MINDY1: variants seen among roughly 807,000 people sequenced by gnomAD.
MINDY1 encodes ubiquitin carboxyl-terminal hydrolase MINDY-1.
A neutral mutation model predicts 53.6 loss-of-function variants in MINDY1; 50 were observed. The ratio of observed to expected loss-of-function variants is 0.93; its 90% CI spans 0.74 to 1.18. MINDY1 has a LOEUF of 1.18. MINDY1 is among the 50% of genes most tolerant of loss of function. MINDY1 has a pLI of 0.00. For synonymous variants in MINDY1, 231 were observed against 234.7 expected, an observed-to-expected ratio of 0.98 and a Z score of 0.14; for missense variants, 484 against 578.6, an observed-to-expected ratio of 0.84 and a Z score of 1.68.
intron 4 of MINDY1, 45 bp downstream of exon 4, chr1:151,001,205 C>G (rs1558055209): frequency 6.3e-7 from 1 of 1,598,570 alleles, no homozygotes; most frequent in African/African-American, 1.3e-5. Context: ...AAGATGTCCC[C>G]TTACAAACCT....
Position 150,998,135 on chromosome 1 carries a change from G to A in MINDY1, c.1120C>T (p.Pro374Ser). 1 of 1,613,802 alleles carries A rather than the reference G, an allele frequency of 6.2e-7. No individual in the cohort carries two copies. The highest frequency in any genetic ancestry group is 8.5e-7 in the Non-Finnish European group (1 of 1,180,036). Residue 374 changes from proline (P) to serine (S), a missense_variant, in exon 8 of 10, where the codon CCT (proline) becomes TCT (serine). Pro to Ser is a moderately conservative substitution (Grantham distance 74). Transcript: ENST00000683666. ...FHLSHSLGKG[P>S]GAEGGSGSPE... Reference sequence around the variant, plus strand: ...GAGCCACTCCCACCTTCTGCTCCAGGCCCCTTGCCCAGGGAATGACTCAGG... The same window carrying A: ...GAGCCACTCCCACCTTCTGCTCCAGACCCCTTGCCCAGGGAATGACTCAGG...
intron 7 of MINDY1, 111 bp from the exon 8 acceptor site, chr1:150,998,384 T>G: frequency 2.0e-6 from 2 of 987,244 alleles, no homozygotes; most frequent in Non-Finnish European, 3.0e-6. Context: ...AGATGGAGTC[T>G]CGCTCTGTCA....
rs1413082233 is a variant in MINDY1, at chr1:150,999,668, A to C, written c.839-157T>G. Among the ~76,000 whole-genome samples, 1 of 152,170 alleles carries C rather than the reference A, an allele frequency of 6.6e-6. No homozygotes were observed. The highest frequency in any genetic ancestry group is 2.4e-5 in the African/African-American group (1 of 41,426). Reference sequence around the variant, plus strand: ...CTGGCTGTATTCATTCACTTAACAAATACTTATAATAGAGCAGCTACCTTG... The same window carrying C: ...CTGGCTGTATTCATTCACTTAACAACTACTTATAATAGAGCAGCTACCTTG... On this transcript the variant is annotated intron_variant, in intron 6 of 9. Coordinates refer to ENST00000683666, the MANE Select transcript of MINDY1 (RefSeq NM_001376665.1). This position sits in a 1 kb window ranked among gnomAD's most constrained non-coding sequence, Gnocchi z 4.4.
At position 151,001,304 on chromosome 1, in the gene MINDY1, G is replaced by C. The variant is rs780789264; in HGVS notation, c.522C>G (p.Leu174=). 2 of 1,614,136 alleles carry C rather than the reference G, an allele frequency of 1.2e-6. No individual in the cohort carries two copies. The highest frequency in any genetic ancestry group is 8.5e-7 in the Non-Finnish European group (1 of 1,180,016). The change falls in exon 4 of 10, where the codon CTC becomes CTG. Residue 174 remains leucine, a synonymous_variant. Transcript: ENST00000683666. ...ACTTCTCCTGGGGCTTGATGGACAGGAGGCAGTTTCCTACAAGACAGGGCC... is the reference window on the plus strand; with the variant it reads ...ACTTCTCCTGGGGCTTGATGGACAGCAGGCAGTTTCCTACAAGACAGGGCC... ...DELMAHLGNC[L]LSIKPQEKSE...
rs1427288339 is a variant in MINDY1, at chr1:151,006,363, C to A, written c.-141G>T. 86 of 1,390,260 alleles carry A rather than the reference C, an allele frequency of 6.2e-5. No homozygotes were observed. The highest frequency in any genetic ancestry group is 4.6e-4 in the South Asian group (29 of 63,150). 86.1% of individuals were successfully genotyped at this position (1,390,260 alleles called of 1,614,324 possible). On this transcript the variant is annotated 5_prime_UTR_variant, in exon 1 of 10. Coordinates refer to ENST00000683666, the MANE Select transcript of MINDY1 (RefSeq NM_001376665.1). The stretch of plus-strand genomic sequence containing the variant: ...ATTGAGAAGGAGGGTTCAGCCGTGG[C>A]AATGAGATGGGGGAGATAGGTGCAA...
intron 4 of MINDY1, among the ~76,000 whole-genome samples, chr1:151,001,001 GGC>G: frequency 6.6e-6 from 1 of 152,138 alleles, no homozygotes; most frequent in South Asian, 2.1e-4. Context: ...ATGTTGCCCA[GGC>G]TGGCCTCGAA....
At chr1:151,007,724 C>G (rs1673379523), upstream of MINDY1, among the ~76,000 whole-genome samples, 1 of 152,086 alleles carries the variant, frequency 6.6e-6, no homozygotes, top group African/African-American at 2.4e-5. Context: ...ATTTGCAGTA[C>G]CTGCACTACT....
In MINDY1 at chr1:151,002,384, C is replaced by T. The variant is rs374921698; in HGVS notation, c.234G>A (p.Pro78=). ...CAGGCAGTGTCCCAAGGGTTGGCCC[C>T]GGTGGAGCTGAGCTAGCTTCAGGCA... is the stretch of plus-strand genomic sequence containing the variant. ...SPLPEASSAP[P]GPTLGTLPEV... Residue 78 remains proline, a synonymous_variant, in exon 2 of 10, where the codon CCG becomes CCA. Coordinates refer to ENST00000683666, the MANE Select transcript of MINDY1 (RefSeq NM_001376665.1). This position sits in a 1 kb window ranked among gnomAD's most constrained non-coding sequence, Gnocchi z 4.1. 1.4e-4 allele frequency: 218 copies of T among 1,614,028 alleles called. No homozygotes were observed. Among genetic ancestry groups the T allele is most frequent in the Non-Finnish European group, 1.8e-4 (209 of 1,180,030 alleles).
Position 151,002,784 on chromosome 1 carries a change from A to G in MINDY1, c.-89-78T>C. On this transcript the variant is annotated intron_variant, in intron 1 of 9. Coordinates refer to ENST00000683666, the MANE Select transcript of MINDY1 (RefSeq NM_001376665.1). The surrounding 1 kb of genome is among the most constrained non-coding windows in gnomAD (Gnocchi z 4.1). ...GTCTTGGAAAAGGAATGTAGTGTAG[A>G]AGGCTGGCTAGTGTTTGTGCAGTAA... 4.1e-6 allele frequency: 6 copies of G among 1,478,264 alleles called. No homozygotes were observed. Among genetic ancestry groups the G allele is most frequent in the Non-Finnish European group, 5.4e-6 (6 of 1,113,466 alleles). The allele number at this position is 1,478,264 out of a possible 1,614,324, so 91.6% of individuals were successfully genotyped here. A position where few individuals can be genotyped will look rare whatever the true frequency, so the allele number is the denominator to read the frequency against.
intron 3 of MINDY1, 51 bp from the exon 4 acceptor site, chr1:151,001,365 T>C (rs760807866): frequency 1.3e-6 from 2 of 1,593,368 alleles, no homozygotes; most frequent in East Asian, 4.5e-5. Context: ...TCCCAAAAGC[T>C]AAGTTTCCTC....
rs757434096 is a variant in MINDY1, at chr1:150,999,544, G to A, written c.839-33C>T. 4 of 1,611,432 alleles carry A rather than the reference G, an allele frequency of 2.5e-6. No individual in the cohort carries two copies. The highest frequency in any genetic ancestry group is 3.4e-6 in the Non-Finnish European group (4 of 1,179,620). ...AAAGGGACGAGTCGGGGGAAACTTG[G>A]CTTAAATTCAAGGTCCACAACAGGA... On this transcript the variant is annotated intron_variant, in intron 6 of 9. Coordinates refer to ENST00000683666, the MANE Select transcript of MINDY1 (RefSeq NM_001376665.1). This position sits in a 1 kb window ranked among gnomAD's most constrained non-coding sequence, Gnocchi z 4.4.
At chr1:151,007,020 A>G, upstream of MINDY1, 2 of 383,056 alleles carry the variant, frequency 5.2e-6, no homozygotes, top group Non-Finnish European at 7.2e-6. Flanking sequence ...CTCTGGATCC[A>G]CAGAAGCAGG....
rs139033003 is a variant in MINDY1 at position 151,000,471 on chromosome 1, G to C, written c.721C>G (p.Leu241Val). Residue 241 changes from leucine to valine, a missense_variant, in exon 5 of 10, where the codon CTT becomes GTT. Leu to Val is a conservative substitution (Grantham distance 32). Transcript: ENST00000683666. ...CCCACCCTCACCTGTGGATCAACAAGCCAGCCATGGTACAGAGGTATGCCT... is the reference window on the plus strand; with the variant it reads ...CCCACCCTCACCTGTGGATCAACAACCCAGCCATGGTACAGAGGTATGCCT... ...LLGIPLYHGWLVDPQSPEAVR... is the reference protein window; with the variant it reads ...LLGIPLYHGWVVDPQSPEAVR... The C allele has an allele frequency of 1.2e-5, 19 of 1,605,414 alleles. No individual in the cohort carries two copies. The African/African-American group carries it at 2.5e-4, about 22-fold the overall frequency.
In MINDY1 at chr1:150,997,760, G is replaced by T; in HGVS notation, c.1193C>A (p.Ser398Tyr). ...GCCTCGTGGCTGTTGCTGCTGCAGG[G>T]ACAGAGCAATCAGGTAGTCCTGGGG... ...QVDQDYLIAL[S>Y]LQQQQPRGPL... is the part of the protein sequence containing the mutation. The change falls in exon 9 of 10, where the codon TCC becomes TAC. Residue 398 changes from serine (S) to tyrosine (Y), a missense_variant. Physicochemically the swap from Ser to Tyr is moderately radical, Grantham distance 144. Transcript: ENST00000683666. 6.2e-7 allele frequency: 1 copy of T among 1,613,518 alleles called. No individual in the cohort carries two copies. The highest frequency in any genetic ancestry group is 8.5e-7 in the Non-Finnish European group (1 of 1,179,784).
Position 151,006,428 on chromosome 1 carries a change from A to T in MINDY1, c.-206T>A. Reference sequence around the variant, plus strand: ...AGTGCCAGCTGCCTTCCAGCTGTCAACGCCTGAGCTTATACAGGTTTACAC... The same window carrying T: ...AGTGCCAGCTGCCTTCCAGCTGTCATCGCCTGAGCTTATACAGGTTTACAC... On this transcript the variant is annotated 5_prime_UTR_variant, in exon 1 of 10. The change creates a new upstream start codon in the 5' untranslated region. Coordinates refer to ENST00000683666, the MANE Select transcript of MINDY1 (RefSeq NM_001376665.1). The T allele has an allele frequency of 7.7e-7, 1 of 1,302,272 alleles. No individual in the cohort carries two copies. The highest frequency in any genetic ancestry group is 9.8e-7 in the Non-Finnish European group (1 of 1,018,162). The allele number at this position is 1,302,272 out of a possible 1,614,324, so 80.7% of individuals were successfully genotyped here.
rs1266993082 is a variant in MINDY1 at position 151,006,531 on chromosome 1, G to A, written c.-309C>T. The A allele has an allele frequency of 4.0e-6, 4 of 1,007,852 alleles. No individual in the cohort carries two copies. Among genetic ancestry groups the A allele is most frequent in the Non-Finnish European group, 1.2e-6 (1 of 844,502 alleles). 62.4% of individuals were successfully genotyped at this position (1,007,852 alleles called of 1,614,324 possible). ...CCAGTACTGGGGGCACTGGAGGAGG[G>A]TGAAGGCAGGCAGGGACACAGCCAA... On this transcript the variant is annotated 5_prime_UTR_variant, in exon 1 of 10. Transcript: ENST00000683666.
chr1:151,000,712 T>C, intron 4 of MINDY1, 97 bp from the exon 5 acceptor site: 8 of 1,336,214 alleles, frequency 6.0e-6, no homozygotes, highest in Middle Eastern at 1.9e-4. Context: ...CTGCTCTTCT[T>C]CCCTGATTCT....
chr1:151,000,064 GATGAATGGTTCCTAAACACTTTTTTTTTT>G, intron 5 of MINDY1, 100 bp from the exon 6 acceptor site: 1 of 761,540 alleles, frequency 1.3e-6, no homozygotes, highest in East Asian at 2.7e-5. Flanking sequence ...ACAACCCTGT[GATGAATGGTTCCTAAACACTTTTTTTTTT>G]TGGTCTCTCA....
At chr1:151,004,818 T>G (rs1355056721) in intron 1 of MINDY1, among the ~76,000 whole-genome samples, 1 of 152,058 alleles carries the variant, frequency 6.6e-6, no homozygotes, top group Non-Finnish European at 1.5e-5. Context: ...TTGTCTTTTC[T>G]CCACCCTCCT....
Sources: gnomAD v4.1 joint callset for allele counts (sites outside exome capture counted in the v4.1 genomes callset) on GRCh38, gnomAD v4.1.1 for gene constraint, Gnocchi (gnomAD v3.1) non-coding constraint, MANE v1.5 for transcripts, NCBI Gene and HGNC (gene_info 2026-07-23, HGNC 2026-07-21) for gene names.